The following SCAMP4 variants were observed in gnomAD, a reference collection of about 807,000 sequenced individuals.
SCAMP4 encodes secretory carrier membrane protein 4.
Under a neutral mutation model 32.1 loss-of-function variants are expected in SCAMP4, and 19 were observed. The ratio of observed to expected loss-of-function variants is 0.59; its 90% CI spans 0.41 to 0.87. The LOEUF is 0.87. Among genes scored for constraint, SCAMP4 ranks in the 40% least tolerant of loss-of-function variants. SCAMP4 has a pLI of 0.00. For synonymous variants in SCAMP4, 152 were observed against 132.7 expected (o/e 1.15, Z -1.00); for missense variants, 302 against 309.0 (o/e 0.98, Z 0.17).
chr19:1,906,134 T>G (rs1599226125), intron 1 of SCAMP4: 1 of 151,750 alleles, frequency 6.6e-6, no homozygotes, highest in Admixed American at 6.6e-5. Flanking sequence ...CCAAGGCGAG[T>G]GGATCACCTG....
At chr19:1,913,706 C>G (rs1444767542) in intron 1 of SCAMP4, among the ~76,000 whole-genome samples, 1 of 152,220 alleles carries the variant, frequency 6.6e-6, no homozygotes, top group Non-Finnish European at 1.5e-5. Context: ...TAAGGAAGGG[C>G]CCTGGGATTT....
intron 1 of SCAMP4, among the ~76,000 whole-genome samples, chr19:1,907,754 A>G (rs1380478426): frequency 1.3e-5 from 2 of 152,050 alleles, no homozygotes; most frequent in Non-Finnish European, 2.9e-5. Flanking sequence ...GAGGGGTCCC[A>G]GTGGTCGGTC....
At chr19:1,912,975 TGC>T in intron 1 of SCAMP4, 1 of 1,609,972 alleles carries the variant, frequency 6.2e-7, no homozygotes, top group Non-Finnish European at 8.5e-7. Flanking sequence ...CTGCGCCATG[TGC>T]GCCATGGCCC....
chr19:1,922,329 G>A (rs1351217295), intron 5 of SCAMP4: 3 of 904,756 alleles, frequency 3.3e-6, no homozygotes, highest in Admixed American at 6.2e-5. Flanking sequence ...GCACGATCTC[G>A]GCTCACTGCA....
At chr19:1,920,011 A>G in intron 5 of SCAMP4, 1 of 313,626 alleles carries the variant, frequency 3.2e-6, no homozygotes, top group Non-Finnish European at 4.6e-6. Context: ...GGGTTTCACC[A>G]TGTGTTGGTC....
In SCAMP4 at chr19:1,923,199, G is replaced by A. The variant is rs367780613; in HGVS notation, c.513+12G>A. Reference sequence around the variant, plus strand: ...TCGCGATCATGAAGGTGAGTCCTCGGCTTTGTGACGTCCAGCCCTTACCCC... The same window carrying A: ...TCGCGATCATGAAGGTGAGTCCTCGACTTTGTGACGTCCAGCCCTTACCCC... On this transcript the variant is annotated intron_variant, in intron 6 of 6. Transcript: ENST00000316097. The A allele has an allele frequency of 1.9e-6, 3 of 1,542,392 alleles. No homozygotes were observed. Among genetic ancestry groups the A allele is most frequent in the Middle Eastern group, 1.7e-4 (1 of 5,994 alleles).
In SCAMP4 at chr19:1,913,380, G is replaced by A. The variant is rs535482918; in HGVS notation, c.-41-1599G>A. 74 of 642,812 alleles carry A rather than the reference G, an allele frequency of 1.2e-4. 1 individual carries two copies. The East Asian group carries it at 2.1e-3, about 18-fold the overall frequency. The allele number at this position is 642,812 out of a possible 1,614,324, so 39.8% of individuals were successfully genotyped here. The stretch of plus-strand genomic sequence containing the variant: ...GCCCTTCTGCGGCCGCCCTTGCTGC[G>A]TTTGTGTCCCCTCTGTCTCGCGGGC... On this transcript the variant is annotated intron_variant, in intron 1 of 6. Coordinates refer to ENST00000316097, the MANE Select transcript of SCAMP4 (RefSeq NM_079834.4).
intron 1 of SCAMP4, chr19:1,906,360 CA>C (rs55923216): frequency 0.43 from 65,534 of 150,920 alleles, 17,564 homozygotes; most frequent in Non-Finnish European, 0.61. Flanking sequence ...ACTCACTCTC[CA>C]AAAAAAAGAA....
chr19:1,918,740 C>T (rs576806320), intron 4 of SCAMP4, 149 bp from the exon 5 acceptor site: 27 of 1,231,742 alleles, frequency 2.2e-5, no homozygotes, highest in South Asian at 1.3e-4. Flanking sequence ...CCAGCCTGGG[C>T]GACAGAGTGA....
At chr19:1,915,937 T>G (rs1432378153) in intron 2 of SCAMP4, among the ~76,000 whole-genome samples, 2 of 69,680 alleles carry the variant, frequency 2.9e-5, no homozygotes, top group Non-Finnish European at 5.3e-5. Flanking sequence ...AGAGCGAGAC[T>G]GTCTCAGAAA....
chr19:1,913,230 TCCGC>T, intron 1 of SCAMP4: 1 of 1,453,142 alleles, frequency 6.9e-7, no homozygotes, highest in African/African-American at 1.4e-5. Context: ...CTCGATTTCT[TCCGC>T]ACAAGCCTGA....
chr19:1,912,811 G>A (rs780211497), intron 1 of SCAMP4: 2 of 1,584,210 alleles, frequency 1.3e-6, no homozygotes, highest in Non-Finnish European at 8.5e-7. Context: ...CAGGGCCGCG[G>A]CACCTACGAC....
chr19:1,915,912 T>C (rs2145447320), intron 2 of SCAMP4, among the ~76,000 whole-genome samples: 1 of 142,096 alleles, frequency 7.0e-6, no homozygotes, highest in African/African-American at 2.7e-5. Context: ...GCCACTGCAC[T>C]CCAGCCTGGG....
At chr19:1,920,256 G>A (rs1016804326) in intron 5 of SCAMP4, 21 of 985,306 alleles carry the variant, frequency 2.1e-5, no homozygotes, top group African/African-American at 3.5e-5. Context: ...CGCTGCTCAC[G>A]GAGCCGTGGG....
rs1289121426 is a variant in SCAMP4, at chr19:1,921,189, G to A, written c.396-1881G>A. 7 of 984,654 alleles carry A rather than the reference G, an allele frequency of 7.1e-6. No individual in the cohort carries two copies. In the South Asian group the frequency reaches 1.4e-4, roughly 20 times the overall value. 61.0% of individuals were successfully genotyped at this position (984,654 alleles called of 1,614,324 possible). On this transcript the variant is annotated intron_variant, in intron 5 of 6. Transcript: ENST00000316097. ...CAGCCCCGCTCTCCCTGTCCTGGGC[G>A]GCTTCACCAGCGCCACCTCCCCACA...
At position 1,919,008 on chromosome 19, in the gene SCAMP4, G is replaced by A; in HGVS notation, c.395+18G>A. The A allele has an allele frequency of 6.3e-7, 1 of 1,589,200 alleles. No homozygotes were observed. The highest frequency in any genetic ancestry group is 8.6e-7 in the Non-Finnish European group (1 of 1,167,708). On this transcript the variant is annotated intron_variant, in intron 5 of 6. Transcript: ENST00000316097. ...GGCGCGTGGTAAGCCTCTCTCTGAT[G>A]GGCGTGGTGGCTGTGATGTGGCTCA...
Position 1,908,244 on chromosome 19 carries a change from G to A in SCAMP4, c.-42+2805G>A, listed in dbSNP as rs906743079. 1.8e-5 allele frequency: 5 copies of A among 283,078 alleles called. No homozygotes were observed. The highest frequency in any genetic ancestry group is 8.6e-5 in the South Asian group (3 of 34,996). The allele number at this position is 283,078 out of a possible 1,614,324, so 17.5% of individuals were successfully genotyped here. ...CGGCAGCACCTGGCGCTGCCTCCGC[G>A]CTTCCTGCTCCCGGCTCCCACTGCA... is the stretch of plus-strand genomic sequence containing the variant. On this transcript the variant is annotated intron_variant, in intron 1 of 6. Coordinates refer to ENST00000316097, the MANE Select transcript of SCAMP4 (RefSeq NM_079834.4). This position sits in a 1 kb window ranked among gnomAD's most constrained non-coding sequence, Gnocchi z 4.2.
Position 1,918,155 on chromosome 19 carries a change from C to T in SCAMP4, c.165C>T (p.Leu55=). Reference sequence around the variant, plus strand: ...ACTGCGCCACCCTCGGCGTCAACCTCATTGCCTGCCTGGCCTGGTGGATCG... The same window carrying T: ...ACTGCGCCACCCTCGGCGTCAACCTTATTGCCTGCCTGGCCTGGTGGATCG... ...MFYCATLGVN[L]IACLAWWIGG... Residue 55 remains leucine, a synonymous_variant, in exon 4 of 7, where the codon CTC becomes CTT. Coordinates refer to ENST00000316097, the MANE Select transcript of SCAMP4 (RefSeq NM_079834.4). 1.2e-6 allele frequency: 2 copies of T among 1,612,928 alleles called. No homozygotes were observed. The highest frequency in any genetic ancestry group is 1.7e-6 in the Non-Finnish European group (2 of 1,179,754).
intron 2 of SCAMP4, chr19:1,915,549 G>A (rs187038950): frequency 1.3e-4 from 22 of 170,102 alleles, no homozygotes; most frequent in African/African-American, 3.6e-4. Context: ...GAACCTGTGA[G>A]TGGGACCTCA....
Sources: gnomAD v4.1 joint callset for allele counts (sites outside exome capture counted in the v4.1 genomes callset) on GRCh38, gnomAD v4.1.1 for gene constraint, Gnocchi (gnomAD v3.1) non-coding constraint, MANE v1.5 for transcripts, NCBI Gene and HGNC (gene_info 2026-07-23, HGNC 2026-07-21) for gene names.